CCDC57: variants seen among roughly 807,000 people sequenced by gnomAD.
CCDC57 encodes the protein coiled-coil domain containing 57.
Under a neutral mutation model 118.9 loss-of-function variants are expected in CCDC57, and 118 were observed. The observed-to-expected ratio is 0.99, with a 90% CI of 0.86 to 1.16. The LOEUF is 1.16. Ranked by LOEUF, CCDC57 falls within the 50% of genes most tolerant of loss-of-function variation. The pLI is 0.00. For missense variants in CCDC57, 1,300 were observed against 1,320.7 expected, an observed-to-expected ratio of 0.98 and a Z score of 0.24; for synonymous variants, 527 against 532.9, an observed-to-expected ratio of 0.99 and a Z score of 0.15.
In CCDC57 at chr17:82,163,188, T is replaced by C; in HGVS notation, c.2040+12A>G. 1.2e-6 allele frequency: 2 copies of C among 1,612,216 alleles called. No individual in the cohort carries two copies. Among genetic ancestry groups the C allele is most frequent in the Non-Finnish European group, 1.7e-6 (2 of 1,178,470 alleles). ...CTCTAGGAGGATGACCCCACAAACT[T>C]GACTGCCTCACCTTCTGTCTGAGTC... On this transcript the variant is annotated intron_variant, in intron 14 of 19. Coordinates refer to ENST00000665763, the Ensembl canonical transcript of CCDC57.
At chr17:82,137,695 G>A (rs1248870444) in intron 16 of CCDC57, among the ~76,000 whole-genome samples, 1 of 143,674 alleles carries the variant, frequency 7.0e-6, no homozygotes, top group Non-Finnish European at 1.5e-5. Flanking sequence ...TTTTTTTTGA[G>A]ATGGAGTCTC....
chr17:82,184,031 G>GCGCA lies in CCDC57; in HGVS notation c.1053-100_1053-99insTGCG. ...CAAATACACATGCGCGCGCGCGCGC[G>GCGCA]CACACACACACACACACACACACAC... On this transcript the variant is annotated intron_variant, in intron 8 of 19. Transcript: ENST00000665763. 5.7e-3 allele frequency: 754 copies of GCGCA among 131,752 alleles called. 2 individuals are homozygous for GCGCA. Among genetic ancestry groups the GCGCA allele is most frequent in the Middle Eastern group, 8.1e-3 (6 of 738 alleles). 8.2% of individuals were successfully genotyped at this position (131,752 alleles called of 1,614,324 possible).
At chr17:82,205,108 ACACAC>A (rs2049461583) in intron 2 of CCDC57, among the ~76,000 whole-genome samples, 2 of 151,682 alleles carry the variant, frequency 1.3e-5, no homozygotes, top group African/African-American at 4.9e-5. Context: ...ACACCTGTGC[ACACAC>A]CTGTGCACAC....
At chr17:82,183,922 C>T (rs752746987) in exon 9 of CCDC57, 1 of 1,612,950 alleles carries the variant, frequency 6.2e-7, no homozygotes, top group Non-Finnish European at 8.5e-7. Context: ...GTTGATGCAT[C>T]TTCACGAAGT....
intron 11 of CCDC57, among the ~76,000 whole-genome samples, chr17:82,177,588 C>G (rs115446534): frequency 6.6e-6 from 1 of 152,064 alleles, no homozygotes; most frequent in African/African-American, 2.4e-5. Flanking sequence ...GAATGAAGGA[C>G]GAGCTAGGAA....
intron 13 of CCDC57, among the ~76,000 whole-genome samples, chr17:82,165,795 T>G (rs997383671): frequency 6.6e-6 from 1 of 152,134 alleles, no homozygotes; most frequent in Non-Finnish European, 1.5e-5. Context: ...AACTGGCCAC[T>G]TGGTAGCTCA....
At position 82,118,904 on chromosome 17, in the gene CCDC57, C is replaced by G. The variant is rs914441075; in HGVS notation, c.2899+8788G>C. On this transcript the variant is annotated intron_variant, in intron 19 of 19. Transcript: ENST00000665763. This position sits in a 1 kb window ranked among gnomAD's most constrained non-coding sequence, Gnocchi z 4.7. ...ACTCCATTCTACTTCTGCGTATTTT[C>G]GTGGTTTGCCTTGGAGTCCCTCCCT... is the stretch of plus-strand genomic sequence containing the variant. 6.6e-6 allele frequency among the ~76,000 whole-genome samples: 1 copy of G among 151,650 alleles called. No homozygotes were observed. Among genetic ancestry groups the G allele is most frequent in the Non-Finnish European group, 1.5e-5 (1 of 67,948 alleles).
intron 16 of CCDC57, among the ~76,000 whole-genome samples, chr17:82,148,852 T>G (rs2041381199): frequency 1.5e-5 from 1 of 67,956 alleles, no homozygotes; most frequent in African/African-American, 6.0e-5. Flanking sequence ...GATGGGTGGA[T>G]GGACAGATGG....
intron 1 of CCDC57, among the ~76,000 whole-genome samples, chr17:82,211,653 T>G (rs2147067649): frequency 6.6e-6 from 1 of 151,976 alleles, no homozygotes; most frequent in African/African-American, 2.4e-5. Flanking sequence ...TGTGGTACCC[T>G]ACTTTGTTTT....
intron 19 of CCDC57, among the ~76,000 whole-genome samples, chr17:82,114,265 G>C (rs535460689): frequency 3.9e-5 from 6 of 152,282 alleles, no homozygotes; most frequent in African/African-American, 1.4e-4. Context: ...ATGAACGAAA[G>C]CCCTGGGTGT....
chr17:82,161,969 T>G (rs899657098), intron 14 of CCDC57, among the ~76,000 whole-genome samples: 4 of 151,574 alleles, frequency 2.6e-5, no homozygotes, highest in African/African-American at 9.7e-5. Flanking sequence ...ATGGTAAACT[T>G]TGTTATATAT....
At chr17:82,152,040 C>T (rs560875078) in intron 15 of CCDC57, 10 of 490,270 alleles carry the variant, frequency 2.0e-5, no homozygotes, top group Admixed American at 3.7e-5. Flanking sequence ...CACAGCCCTC[C>T]GCCTCCTCCC....
At chr17:82,132,700 T>C (rs1248604668) in intron 17 of CCDC57, among the ~76,000 whole-genome samples, 1 of 151,300 alleles carries the variant, frequency 6.6e-6, no homozygotes, top group Admixed American at 6.6e-5. Context: ...TTACAAGGTG[T>C]GGACTACCAC....
At chr17:82,173,355 G>A (rs577022585) in intron 11 of CCDC57, among the ~76,000 whole-genome samples, 84 of 152,250 alleles carry the variant, frequency 5.5e-4, no homozygotes, top group Middle Eastern at 6.8e-3. Context: ...GGTTCAGAGC[G>A]CGCAGAAGAA....
At chr17:82,202,209 G>A (rs2146920941) in intron 2 of CCDC57, among the ~76,000 whole-genome samples, 1 of 152,336 alleles carries the variant, frequency 6.6e-6, no homozygotes, top group South Asian at 2.1e-4. Context: ...GCTCACGCCT[G>A]TAATCCCAGC....
intron 13 of CCDC57, among the ~76,000 whole-genome samples, chr17:82,170,381 A>ACG (rs1405794752): frequency 2.0e-5 from 3 of 151,750 alleles, no homozygotes. Context: ...GGTGGCATGC[A>ACG]CCTGTAATCC....
chr17:82,171,279 C>T (rs531569018), intron 13 of CCDC57, among the ~76,000 whole-genome samples: 14 of 142,822 alleles, frequency 9.8e-5, no homozygotes, highest in Admixed American at 1.4e-4. Flanking sequence ...AAACAGGGAG[C>T]GCTGACTGCA....
chr17:82,196,851 C>T (rs188890685), intron 4 of CCDC57, among the ~76,000 whole-genome samples: 40 of 150,020 alleles, frequency 2.7e-4, no homozygotes, highest in African/African-American at 8.9e-4. Flanking sequence ...CGCAGCCCCT[C>T]GTGACTCCTG....
chr17:82,205,265 C>T (rs925067968), intron 2 of CCDC57, among the ~76,000 whole-genome samples: 1 of 152,200 alleles, frequency 6.6e-6, no homozygotes, highest in African/African-American at 2.4e-5. Context: ...GCGAGGTCTA[C>T]GGGCCTCTTC....
Sources: gnomAD v4.1 joint callset for allele counts (sites outside exome capture counted in the v4.1 genomes callset) on GRCh38, gnomAD v4.1.1 for gene constraint, Gnocchi (gnomAD v3.1) non-coding constraint, MANE v1.5 for transcripts, NCBI Gene and HGNC (gene_info 2026-07-23, HGNC 2026-07-21) for gene names.